The following FGFR2 variants were observed in gnomAD, a reference collection of about 807,000 sequenced individuals.
FGFR2 encodes BEK fibroblast growth factor receptor.
Under a neutral mutation model 95.9 loss-of-function variants are expected in FGFR2, and 19 were observed. That is an observed-to-expected ratio of 0.20 (90% CI 0.14 to 0.29). The LOEUF (loss-of-function observed/expected upper bound fraction) is 0.29. Ranked by LOEUF, FGFR2 falls within the 10% of genes least tolerant of loss-of-function variation. The probability of loss-of-function intolerance (pLI) is 1.00; values close to 1 mark genes in which losing one functional copy is unlikely to be tolerated. For synonymous variants in FGFR2, 392 were observed against 393.3 expected (o/e 1.00, Z 0.04); for missense variants, 707 against 1,056.9 (o/e 0.67, Z 4.59).
intron 5 of FGFR2, 111 bp from the exon 6 acceptor site, chr10:121,538,826 AAT>A (rs1853257791): frequency 7.3e-7 from 1 of 1,360,900 alleles, no homozygotes; most frequent in Admixed American, 1.8e-5. Context: ...GGTATGGAAG[AAT>A]CACCTAAATT....
intron 10 of FGFR2, among the ~76,000 whole-genome samples, chr10:121,501,757 A>ATAGTGCTGCAAAT (rs1267248963): frequency 6.6e-6 from 1 of 152,210 alleles, no homozygotes; most frequent in African/African-American, 2.4e-5. Flanking sequence ...TAGTTTGCAA[A>ATAGTGCTGCAAAT]AGTGCAGCAT....
Position 121,480,915 on chromosome 10 carries a change from GA to G in FGFR2, c.2302-895del, listed in dbSNP as rs544708011. On this transcript the variant is annotated intron_variant, in intron 17 of 17. Transcript: ENST00000358487. The stretch of plus-strand genomic sequence containing the variant: ...TGGTCTTTAACATTGGTAAGCGGTT[GA>G]AAAAAAAAATCAAAAGAAGAAGAAT... Among the ~76,000 whole-genome samples the G allele has an allele frequency of 1.9e-4, 28 of 145,754 alleles. No homozygotes were observed. In the South Asian group the frequency reaches 4.8e-3, roughly 25 times the overall value.
intron 2 of FGFR2, among the ~76,000 whole-genome samples, chr10:121,578,658 C>T (rs906594074): frequency 3.9e-5 from 6 of 152,240 alleles, no homozygotes; most frequent in African/African-American, 1.2e-4. Flanking sequence ...GCCTGTAATC[C>T]CAGCACTTTG....
chr10:121,546,598 A>C lies in FGFR2; in HGVS notation c.624+4692T>G, dbSNP rs114618777. 3.1e-3 allele frequency among the ~76,000 whole-genome samples: 467 copies of C among 152,362 alleles called. 1 individual carries two copies. The highest frequency in any genetic ancestry group is 6.9e-3 in the Admixed American group (106 of 15,312). ...ATAGTTCTATTGGTCATTTGAATGA[A>C]AATGAGCTTTCTGTCACATTTCATA... On this transcript the variant is annotated intron_variant, in intron 5 of 17. Coordinates refer to ENST00000358487, the MANE Select transcript of FGFR2 (RefSeq NM_000141.5).
At chr10:121,577,033 G>A (rs1434983329) in intron 2 of FGFR2, among the ~76,000 whole-genome samples, 1 of 148,048 alleles carries the variant, frequency 6.8e-6, no homozygotes, top group African/African-American at 2.5e-5. Flanking sequence ...TACTCGGGAG[G>A]CTGAGGCAGG....
intron 10 of FGFR2, among the ~76,000 whole-genome samples, chr10:121,503,350 G>A (rs1217242767): frequency 6.6e-6 from 1 of 152,206 alleles, no homozygotes; most frequent in Non-Finnish European, 1.5e-5. Flanking sequence ...AATAACCAAT[G>A]AGAACAGCAA....
intron 1 of FGFR2, among the ~76,000 whole-genome samples, chr10:121,594,308 C>T (rs936039228): frequency 9.8e-5 from 15 of 152,304 alleles, no homozygotes; most frequent in African/African-American, 3.1e-4. Flanking sequence ...GCAGAAGCAA[C>T]GTGACCTTAG....
At position 121,515,223 on chromosome 10, in the gene FGFR2, G is replaced by A. The variant is rs971411400; in HGVS notation, c.1181C>T (p.Thr394Ile). The A allele has an allele frequency of 5.0e-6, 8 of 1,614,084 alleles. No homozygotes were observed. In the African/African-American group the frequency reaches 6.7e-5, roughly 13 times the overall value. The change falls in exon 9 of 18, where the codon ACA becomes ATA. Residue 394 changes from threonine to isoleucine, a missense_variant. Thr to Ile is a moderately conservative substitution (Grantham distance 89, BLOSUM62 -1). This residue lies in a region of FGFR2 where 194 missense variants were observed against 267.3 expected (regional missense o/e 0.73). Transcript: ENST00000358487. ...GVFLIACMVV[T>I]VILCRMKNTT... is the part of the protein sequence containing the mutation. ...GTTCTTCATTCGGCACAGGATGACT[G>A]TTACCACCATACAGGCGATTAAGAA... is the stretch of plus-strand genomic sequence containing the variant.
chr10:121,592,068 A>T lies in FGFR2; in HGVS notation c.109+1641T>A, dbSNP rs1228900044. ...ACAATAACGCTGCCCTGAAAAGCCA[A>T]AATGAAAAATGACAGTTTTTCCCTA... On this transcript the variant is annotated intron_variant, in intron 2 of 17. Coordinates refer to ENST00000358487, the MANE Select transcript of FGFR2 (RefSeq NM_000141.5). 4.6e-5 allele frequency among the ~76,000 whole-genome samples: 7 copies of T among 152,228 alleles called. No homozygotes were observed. In the South Asian group the frequency reaches 1.2e-3, roughly 27 times the overall value.
intron 17 of FGFR2, among the ~76,000 whole-genome samples, chr10:121,482,362 A>C (rs1844871642): frequency 6.6e-6 from 1 of 152,188 alleles, no homozygotes; most frequent in South Asian, 2.1e-4. Flanking sequence ...TTTATCCAGC[A>C]CAGGCCACAG....
intron 4 of FGFR2, 104 bp downstream of exon 4, chr10:121,564,398 G>T: frequency 9.2e-7 from 1 of 1,083,962 alleles, no homozygotes; most frequent in Non-Finnish European, 1.4e-6. Context: ...CAAGGGCCGC[G>T]GGACACAGCA....
At chr10:121,569,529 G>A (rs1333386036) in intron 2 of FGFR2, among the ~76,000 whole-genome samples, 4 of 152,046 alleles carry the variant, frequency 2.6e-5, no homozygotes, top group Non-Finnish European at 5.9e-5. Flanking sequence ...CAGAACACTT[G>A]GATTGCTATC....
At chr10:121,496,455 A>G (rs892700503) in intron 13 of FGFR2, 77 bp downstream of exon 13, 1 of 1,345,086 alleles carries the variant, frequency 7.4e-7, no homozygotes, top group Admixed American at 1.7e-5. Flanking sequence ...GCAAATGAGC[A>G]TGTCCAAATT....
intron 2 of FGFR2, among the ~76,000 whole-genome samples, chr10:121,585,927 G>A (rs1861754857): frequency 1.3e-5 from 2 of 152,158 alleles, no homozygotes; most frequent in South Asian, 2.1e-4. Flanking sequence ...CATCTTTGGG[G>A]GCAATCCCAC....
At chr10:121,519,673 A>G (rs1850214153) in intron 7 of FGFR2, among the ~76,000 whole-genome samples, 1 of 152,128 alleles carries the variant, frequency 6.6e-6, no homozygotes, top group African/African-American at 2.4e-5. Flanking sequence ...CACGATCTCT[A>G]CTTTTATAGA....
At chr10:121,572,640 A>G (rs950465875) in intron 2 of FGFR2, among the ~76,000 whole-genome samples, 2 of 152,136 alleles carry the variant, frequency 1.3e-5, no homozygotes, top group African/African-American at 4.8e-5. Context: ...AAACACAAAT[A>G]AATAAATAGT....
chr10:121,593,881 A>G lies in FGFR2; in HGVS notation c.-64T>C. On this transcript the variant is annotated 5_prime_UTR_variant, in exon 2 of 18. Coordinates refer to ENST00000358487, the MANE Select transcript of FGFR2 (RefSeq NM_000141.5). ...ATGTGGACGTTAATCCCATCTGCACACTTCCTCTACGGGCATGGACTACGC... is the reference window on the plus strand; with the variant it reads ...ATGTGGACGTTAATCCCATCTGCACGCTTCCTCTACGGGCATGGACTACGC... The G allele has an allele frequency of 4.1e-6, 6 of 1,469,832 alleles. No individual in the cohort carries two copies. Among genetic ancestry groups the G allele is most frequent in the Non-Finnish European group, 5.7e-6 (6 of 1,048,856 alleles). The allele number at this position is 1,469,832 out of a possible 1,614,324, so 91.0% of individuals were successfully genotyped here.
At chr10:121,512,337 G>T (rs997788255) in intron 9 of FGFR2, among the ~76,000 whole-genome samples, 14 of 152,136 alleles carry the variant, frequency 9.2e-5, no homozygotes, top group African/African-American at 3.4e-4. Flanking sequence ...GCGTACTGAT[G>T]AAACATTCTT....
Position 121,531,730 on chromosome 10 carries a change from C to T in FGFR2, c.748+6862G>A, listed in dbSNP as rs1180644323. ...GCCTTTTCTAAGGCCATAGAGTTAGCAAGGGTGGAAACAGAACTTGACACC... is the reference window on the plus strand; with the variant it reads ...GCCTTTTCTAAGGCCATAGAGTTAGTAAGGGTGGAAACAGAACTTGACACC... On this transcript the variant is annotated intron_variant, in intron 6 of 17. Transcript: ENST00000358487. This position sits in a 1 kb window ranked among gnomAD's most constrained non-coding sequence, Gnocchi z 4.5. Among the ~76,000 whole-genome samples, 2 of 152,116 alleles carry T rather than the reference C, an allele frequency of 1.3e-5. No homozygotes were observed. Among genetic ancestry groups the T allele is most frequent in the African/African-American group, 2.4e-5 (1 of 41,422 alleles).
Sources: allele counts gnomAD v4.1 joint callset (sites outside exome capture counted in the v4.1 genomes callset), GRCh38; gene constraint gnomAD v4.1.1; regional missense constraint gnomAD v4.1.1; non-coding constraint Gnocchi (gnomAD v3.1); transcripts MANE v1.5; gene names NCBI Gene and HGNC (gene_info 2026-07-23, HGNC 2026-07-21).